The following TMEM65 variants were observed in gnomAD, a reference collection of about 807,000 sequenced individuals.
The protein encoded by TMEM65 is transmembrane protein 65.
Under a neutral mutation model 25.4 loss-of-function variants are expected in TMEM65, and 22 were observed. That is an observed-to-expected ratio of 0.86 (90% CI 0.62 to 1.23). The LOEUF (loss-of-function observed/expected upper bound fraction) is 1.23. Ranked by LOEUF, TMEM65 falls within the 50% of genes most tolerant of loss-of-function variation. TMEM65 has a pLI of 0.00. For missense variants in TMEM65, 262 were observed against 308.2 expected, an observed-to-expected ratio of 0.85 and a Z score of 1.12; for synonymous variants, 132 against 126.2, an observed-to-expected ratio of 1.05 and a Z score of -0.31.
intron 1 of TMEM65, among the ~76,000 whole-genome samples, chr8:124,333,462 T>TGTGTGC (rs1814461068): frequency 1.2e-5 from 1 of 80,414 alleles, no homozygotes; most frequent in Non-Finnish European, 2.3e-5. Context: ...CATCTGTGTG[T>TGTGTGC]GTGTGTGCGT....
chr8:124,327,516 T>C (rs1373344456), intron 2 of TMEM65, 95 bp from the exon 3 acceptor site: 2 of 730,842 alleles, frequency 2.7e-6, no homozygotes, highest in Non-Finnish European at 4.3e-6. Flanking sequence ...CTAAACAGAC[T>C]TGATAATCTC....
At chr8:124,336,991 C>T (rs1004380091) in intron 1 of TMEM65, among the ~76,000 whole-genome samples, 1 of 151,718 alleles carries the variant, frequency 6.6e-6, no homozygotes, top group Non-Finnish European at 1.5e-5. Context: ...TTATGAAAAA[C>T]GTTACACCCA....
intron 1 of TMEM65, among the ~76,000 whole-genome samples, chr8:124,331,227 A>G (rs111548502): frequency 2.0e-4 from 30 of 151,804 alleles, no homozygotes; most frequent in South Asian, 4.1e-4. Flanking sequence ...GAATATTCAA[A>G]TAGATCTAGA....
intron 1 of TMEM65, among the ~76,000 whole-genome samples, chr8:124,368,419 G>A (rs930575908): frequency 1.3e-5 from 2 of 151,024 alleles, no homozygotes; most frequent in Admixed American, 6.6e-5. Flanking sequence ...ATGTACCCCC[G>A]ATGATTCCCA....
At chr8:124,328,267 G>A (rs1011742063) in intron 2 of TMEM65, among the ~76,000 whole-genome samples, 1 of 151,864 alleles carries the variant, frequency 6.6e-6, no homozygotes, top group Non-Finnish European at 1.5e-5. Flanking sequence ...AGCTGGGTGT[G>A]GTGGTGCGTG....
At position 124,312,296 on chromosome 8, in the gene TMEM65, T is replaced by C. The variant is rs1479135774; in HGVS notation, c.*1664A>G. The C allele has an allele frequency of 6.7e-6, 1 of 150,170 alleles. No homozygotes were observed. Among genetic ancestry groups the C allele is most frequent in the African/African-American group, 2.4e-5 (1 of 41,306 alleles). 9.3% of individuals were successfully genotyped at this position (150,170 alleles called of 1,614,324 possible). On this transcript the variant is annotated 3_prime_UTR_variant, in exon 7 of 7. Coordinates refer to ENST00000297632, the MANE Select transcript of TMEM65 (RefSeq NM_194291.3). The stretch of plus-strand genomic sequence containing the variant: ...TTCAGTAAGAATGTCACATTATTTG[T>C]GCATGTTATATATTTATTTTTAGAT...
intron 6 of TMEM65, among the ~76,000 whole-genome samples, chr8:124,318,921 GCTCTGTTTT>G (rs1814272662): frequency 6.6e-6 from 1 of 151,918 alleles, no homozygotes; most frequent in African/African-American, 2.4e-5. Context: ...CTTCTACCTC[GCTCTGTTTT>G]CCCTTTTTAT....
rs990697187 is a variant in TMEM65 at position 124,372,412 on chromosome 8, G to T, written c.-255C>A. On this transcript the variant is annotated 5_prime_UTR_variant, in exon 1 of 7. Coordinates refer to ENST00000297632, the MANE Select transcript of TMEM65 (RefSeq NM_194291.3). The stretch of plus-strand genomic sequence containing the variant: ...AACTTTCTCTGAGACGGCCGGGCCC[G>T]GACAGCGCCCGGAGAGGGCGGGCGG... 7.4e-5 allele frequency: 13 copies of T among 176,556 alleles called. No homozygotes were observed. The highest frequency in any genetic ancestry group is 1.3e-4 in the Non-Finnish European group (11 of 85,736). The allele number at this position is 176,556 out of a possible 1,614,324, so 10.9% of individuals were successfully genotyped here.
At position 124,361,156 on chromosome 8, in the gene TMEM65, G is replaced by A. The variant is rs897628190; in HGVS notation, c.304+10698C>T. ...CTACTAAGAGTTAAAACTGTAGGCCGGGCACAGTGGCTCACACCTGTAGTC... is the reference window on the plus strand; with the variant it reads ...CTACTAAGAGTTAAAACTGTAGGCCAGGCACAGTGGCTCACACCTGTAGTC... On this transcript the variant is annotated intron_variant, in intron 1 of 6. Transcript: ENST00000297632. Among the ~76,000 whole-genome samples the A allele has an allele frequency of 1.2e-4, 18 of 152,244 alleles. No homozygotes were observed. In the South Asian group the frequency reaches 2.9e-3, roughly 25 times the overall value.
intron 1 of TMEM65, among the ~76,000 whole-genome samples, chr8:124,348,962 T>A (rs995045993): frequency 6.6e-6 from 1 of 152,008 alleles, no homozygotes; most frequent in African/African-American, 2.4e-5. Flanking sequence ...CACAACAGAG[T>A]ACTTCATAAC....
intron 1 of TMEM65, among the ~76,000 whole-genome samples, chr8:124,360,079 T>C (rs907049674): frequency 5.9e-5 from 9 of 152,128 alleles, no homozygotes; most frequent in African/African-American, 2.2e-4. Flanking sequence ...AAGACATACC[T>C]TTCTGGCATG....
chr8:124,342,192 G>C (rs183630045), intron 1 of TMEM65, among the ~76,000 whole-genome samples: 1 of 152,018 alleles, frequency 6.6e-6, no homozygotes, highest in Non-Finnish European at 1.5e-5. Context: ...CATGGCCATT[G>C]TAAGTTTTAT....
At chr8:124,363,386 T>G (rs1329570489) in intron 1 of TMEM65, among the ~76,000 whole-genome samples, 1 of 152,212 alleles carries the variant, frequency 6.6e-6, no homozygotes, top group Non-Finnish European at 1.5e-5. Context: ...TTATTTTAAA[T>G]TAATTATTGT....
At chr8:124,326,855 A>T (rs1284032582) in intron 3 of TMEM65, among the ~76,000 whole-genome samples, 2 of 152,038 alleles carry the variant, frequency 1.3e-5, no homozygotes, top group Non-Finnish European at 2.9e-5. Flanking sequence ...TTAACACTAC[A>T]ATGGAACAAG....
chr8:124,333,468 TGC>T (rs555941915), intron 1 of TMEM65, among the ~76,000 whole-genome samples: 9 of 85,764 alleles, frequency 1.0e-4, no homozygotes, highest in South Asian at 4.7e-4. Context: ...TGTGTGTGTG[TGC>T]GTGTGTGTGT....
intron 1 of TMEM65, among the ~76,000 whole-genome samples, chr8:124,359,242 T>C (rs1055329469): frequency 4.6e-5 from 7 of 152,206 alleles, no homozygotes; most frequent in African/African-American, 1.7e-4. Flanking sequence ...AGATCCTTAA[T>C]TTCTGAAGAA....
intron 6 of TMEM65, among the ~76,000 whole-genome samples, chr8:124,314,482 A>G (rs1814208049): frequency 6.6e-6 from 1 of 152,242 alleles, no homozygotes; most frequent in South Asian, 2.1e-4. Context: ...AAAGTCAAAC[A>G]GTATTAATAT....
chr8:124,311,051 T>C lies in TMEM65; in HGVS notation c.*2909A>G, dbSNP rs1253576356. 1 of 152,166 alleles carries C rather than the reference T, an allele frequency of 6.6e-6. No homozygotes were observed. Among genetic ancestry groups the C allele is most frequent in the East Asian group, 1.9e-4 (1 of 5,202 alleles). 9.4% of individuals were successfully genotyped at this position (152,166 alleles called of 1,614,324 possible). A position where few individuals can be genotyped will look rare whatever the true frequency, so the allele number is the denominator to read the frequency against. On this transcript the variant is annotated 3_prime_UTR_variant, in exon 7 of 7. Coordinates refer to ENST00000297632, the MANE Select transcript of TMEM65 (RefSeq NM_194291.3). ...TTTTGGTATAAAAGATAAACTTCCA[T>C]TACCTTCAAAATTTATGTTCTAGAG...
intron 1 of TMEM65, among the ~76,000 whole-genome samples, chr8:124,366,746 AT>A (rs2131232548): frequency 6.6e-6 from 1 of 152,030 alleles, no homozygotes; most frequent in South Asian, 2.1e-4. Context: ...TTACTTGATT[AT>A]CTGTCTTCTA....
Sources: allele counts gnomAD v4.1 joint callset (sites outside exome capture counted in the v4.1 genomes callset), GRCh38; gene constraint gnomAD v4.1.1; transcripts MANE v1.5; gene names NCBI Gene and HGNC (gene_info 2026-07-23, HGNC 2026-07-21).